Variants in AQP4 observed in about 807,000 individuals in gnomAD.
The protein encoded by AQP4 is aquaporin 4, also known as aquaporin-4.
Under a neutral mutation model 27.8 loss-of-function variants are expected in AQP4, and 18 were observed. The ratio of observed to expected loss-of-function variants is 0.65; its 90% confidence interval spans 0.45 to 0.96. AQP4 has a LOEUF of 0.96. Ranked by LOEUF, AQP4 falls within the 40% of genes least tolerant of loss-of-function variation. AQP4 has a pLI of 0.00. For missense variants in AQP4, 412 were observed against 408.2 expected (o/e 1.01, Z -0.08); for synonymous variants, 141 against 142.9 (o/e 0.99, Z 0.10).
intron 1 of AQP4, among the ~76,000 whole-genome samples, chr18:26,864,706 T>C (rs1013494278): frequency 2.6e-5 from 4 of 152,020 alleles, no homozygotes; most frequent in African/African-American, 9.7e-5. Context: ...AATGCGATCA[T>C]AGGTGCTGTC....
chr18:26,865,538 C>G, intron 1 of AQP4, 120 bp downstream of exon 1: 1 of 1,272,680 alleles, frequency 7.9e-7, no homozygotes, highest in Non-Finnish European at 1.2e-6. Context: ...AAAGAACCAC[C>G]CACCTGCCCT....
intron 4 of AQP4, among the ~76,000 whole-genome samples, 161 bp from the exon 5 acceptor site, chr18:26,856,650 TC>T (rs2144951089): frequency 6.6e-6 from 1 of 151,850 alleles, no homozygotes; most frequent in East Asian, 1.9e-4. Flanking sequence ...CACCAAAGCC[TC>T]ATCAGAGATC....
chr18:26,856,933 G>T (rs994656067), intron 4 of AQP4, among the ~76,000 whole-genome samples: 3 of 151,996 alleles, frequency 2.0e-5, no homozygotes, highest in Non-Finnish European at 2.9e-5. Flanking sequence ...TATCTTTTGG[G>T]GATTCCGTTA....
chr18:26,854,450 G>C lies in AQP4; in HGVS notation c.*1761C>G, dbSNP rs958159565. On this transcript the variant is annotated 3_prime_UTR_variant, in exon 5 of 5. Coordinates refer to ENST00000383168, the MANE Select transcript of AQP4 (RefSeq NM_001650.7). Reference sequence around the variant, plus strand: ...AGCCAGGAAGTAACTATGTGTCACTGGCGCAGTGTGTGGTGTGGCCACGCC... The same window carrying C: ...AGCCAGGAAGTAACTATGTGTCACTCGCGCAGTGTGTGGTGTGGCCACGCC... The C allele has an allele frequency of 1.3e-5, 2 of 148,242 alleles. No individual in the cohort carries two copies. Among genetic ancestry groups the C allele is most frequent in the Non-Finnish European group, 2.9e-5 (2 of 68,000 alleles). The allele number at this position is 148,242 out of a possible 1,614,324, so 9.2% of individuals were successfully genotyped here.
chr18:26,864,812 CA>C (rs1234107068), intron 1 of AQP4, among the ~76,000 whole-genome samples: 1 of 152,094 alleles, frequency 6.6e-6, no homozygotes, highest in African/African-American at 2.4e-5. Flanking sequence ...CCGCAGGAGA[CA>C]CCAGAAGAGG....
intron 1 of AQP4, chr18:26,865,433 A>T: frequency 1.6e-6 from 1 of 628,058 alleles, no homozygotes; most frequent in Non-Finnish European, 2.8e-6. Context: ...GGGCTTTTGC[A>T]GATCTGAAAC....
At chr18:26,862,664 C>A (rs1049028637) in intron 1 of AQP4, 68 bp from the exon 2 acceptor site, 2 of 1,606,288 alleles carry the variant, frequency 1.2e-6, no homozygotes, top group African/African-American at 2.7e-5. Flanking sequence ...GTGAAGGGAA[C>A]AAGGCCTGCC....
chr18:26,858,500 C>T (rs546965729), intron 4 of AQP4, among the ~76,000 whole-genome samples: 22 of 152,236 alleles, frequency 1.4e-4, no homozygotes, highest in African/African-American at 4.1e-4. Context: ...ATAACATTTA[C>T]GGGGAAACTG....
At chr18:26,863,533 G>C (rs564856363) in intron 1 of AQP4, among the ~76,000 whole-genome samples, 33 of 152,148 alleles carry the variant, frequency 2.2e-4, no homozygotes, top group Non-Finnish European at 3.4e-4. Context: ...GATGCTTTTA[G>C]GGGAGGAAGG....
At chr18:26,860,695 A>G in intron 4 of AQP4, 77 bp downstream of exon 4, 1 of 1,314,804 alleles carries the variant, frequency 7.6e-7, no homozygotes, top group Non-Finnish European at 1.1e-6. Context: ...AGTAGGCAAA[A>G]TAATGAAAAA....
In AQP4 at chr18:26,862,387, A is replaced by C. The variant is rs754458451; in HGVS notation, c.242T>G (p.Ile81Ser). The C allele has an allele frequency of 6.2e-6, 10 of 1,614,222 alleles. No homozygotes were observed. Among genetic ancestry groups the C allele is most frequent in the Non-Finnish European group, 8.5e-6 (10 of 1,180,042 alleles). Residue 81 changes from isoleucine (I) to serine (S), a missense_variant, in exon 2 of 5, where the codon ATT becomes AGT. By Grantham distance (142) the Ile-to-Ser change is moderately radical. Transcript: ENST00000383168. ...VLISLCFGLSIATMVQCFGHI... is the reference protein window; with the variant it reads ...VLISLCFGLSSATMVQCFGHI... The stretch of plus-strand genomic sequence containing the variant: ...GCCAAAGCACTGCACCATGGTTGCA[A>C]TGCTGAGTCCAAAGCAAAGGGAGAT...
In AQP4 at chr18:26,856,006, T is replaced by C. The variant is rs1256989427; in HGVS notation, c.*205A>G. The C allele has an allele frequency of 7.8e-6, 5 of 637,792 alleles. No homozygotes were observed. Among genetic ancestry groups the C allele is most frequent in the Non-Finnish European group, 1.0e-5 (4 of 381,208 alleles). 39.5% of individuals were successfully genotyped at this position (637,792 alleles called of 1,614,324 possible). A position where few individuals can be genotyped will look rare whatever the true frequency, so the allele number is the denominator to read the frequency against. On this transcript the variant is annotated 3_prime_UTR_variant, in exon 5 of 5. Coordinates refer to ENST00000383168, the MANE Select transcript of AQP4 (RefSeq NM_001650.7). ...CTTAAGAACATTTTAAAAATATTTC[T>C]TTTTTTAGATTTGGAATTCACAATA...
rs1458910084 is a variant in AQP4 at position 26,853,864 on chromosome 18, ATAG to A, written c.*2344_*2346del. On this transcript the variant is annotated 3_prime_UTR_variant, in exon 5 of 5. Coordinates refer to ENST00000383168, the MANE Select transcript of AQP4 (RefSeq NM_001650.7). ...TTTCATTCATTTCATGCCCCTAAAA[ATAG>A]TAGAATGCAAAAAATGTATTTTATG... 2 of 152,460 alleles carry A rather than the reference ATAG, an allele frequency of 1.3e-5. No individual in the cohort carries two copies. Among genetic ancestry groups the A allele is most frequent in the African/African-American group, 4.8e-5 (2 of 41,462 alleles). The allele number at this position is 152,460 out of a possible 1,614,324, so 9.4% of individuals were successfully genotyped here.
chr18:26,864,254 G>A (rs2055015202), intron 1 of AQP4, among the ~76,000 whole-genome samples: 1 of 152,202 alleles, frequency 6.6e-6, no homozygotes, highest in South Asian at 2.1e-4. Context: ...TTCTGCGTGG[G>A]TAGTGAGGAA....
At chr18:26,859,884 T>C (rs1356109818) in intron 4 of AQP4, among the ~76,000 whole-genome samples, 1 of 152,146 alleles carries the variant, frequency 6.6e-6, no homozygotes, top group African/African-American at 2.4e-5. Context: ...GTAAGTGACA[T>C]TTGCAATATA....
rs2054812432 is a variant in AQP4, at chr18:26,854,758, C to T, written c.*1453G>A. ...GCAGTGATAGGTTTCTGCTTTACTT[C>T]TAATAGCTTTTGTTTAGTGAAATTG... On this transcript the variant is annotated 3_prime_UTR_variant, in exon 5 of 5. Transcript: ENST00000383168. 1 of 152,456 alleles carries T rather than the reference C, an allele frequency of 6.6e-6. No individual in the cohort carries two copies. Among genetic ancestry groups the T allele is most frequent in the Non-Finnish European group, 1.5e-5 (1 of 68,036 alleles). The allele number at this position is 152,456 out of a possible 1,614,324, so 9.4% of individuals were successfully genotyped here.
chr18:26,863,651 C>G (rs2055001464), intron 1 of AQP4, among the ~76,000 whole-genome samples: 1 of 152,202 alleles, frequency 6.6e-6, no homozygotes, highest in African/African-American at 2.4e-5. Flanking sequence ...AGCAATGCCC[C>G]GGTACCTTTC....
chr18:26,862,068 C>T, intron 2 of AQP4, 114 bp downstream of exon 2: 2 of 1,208,408 alleles, frequency 1.7e-6, no homozygotes, highest in Non-Finnish European at 1.2e-6. Context: ...ATCAAAAATT[C>T]CCTAGGAGTA....
chr18:26,865,053 A>G (rs546327913), intron 1 of AQP4, among the ~76,000 whole-genome samples: 4 of 140,450 alleles, frequency 2.8e-5, no homozygotes, highest in African/African-American at 5.2e-5. Flanking sequence ...TTTTTTTTTT[A>G]AATCCACAAA....
Sources: gnomAD v4.1 joint callset for allele counts (sites outside exome capture counted in the v4.1 genomes callset) on GRCh38, gnomAD v4.1.1 for gene constraint, MANE v1.5 for transcripts, NCBI Gene and HGNC (gene_info 2026-07-23, HGNC 2026-07-21) for gene names.